The following MAEA variants were observed in gnomAD, a reference collection of about 807,000 sequenced individuals.
MAEA encodes E3 ubiquitin-protein transferase MAEA.
Under a neutral mutation model 46.2 loss-of-function variants are expected in MAEA, and 22 were observed. The ratio of observed to expected loss-of-function variants is 0.48; its 90% CI spans 0.34 to 0.68. MAEA has a LOEUF of 0.68. Ranked by LOEUF, MAEA falls within the 30% of genes least tolerant of loss-of-function variation. MAEA has a pLI of 0.01. For missense variants in MAEA, 393 were observed against 558.1 expected (o/e 0.70, Z 2.98); for synonymous variants, 246 against 222.6 (o/e 1.11, Z -0.94).
At chr4:1,292,883 C>T (rs938584720) in intron 1 of MAEA, among the ~76,000 whole-genome samples, 21 of 115,728 alleles carry the variant, frequency 1.8e-4, no homozygotes, top group Non-Finnish European at 2.8e-4. Flanking sequence ...AATAACTCAC[C>T]ATCTTTTTTT....
chr4:1,338,790 C>T, intron 8 of MAEA, 173 bp downstream of exon 8: 1 of 751,958 alleles, frequency 1.3e-6, no homozygotes, highest in South Asian at 1.8e-5. Flanking sequence ...CGGGACAGGG[C>T]TGTGTGGGGC....
At chr4:1,329,125 C>G (rs775968482) in intron 5 of MAEA, 1 of 985,526 alleles carries the variant, frequency 1.0e-6, no homozygotes, top group African/African-American at 1.7e-5. Flanking sequence ...CAAAACGTGT[C>G]CATCCCGGAG....
chr4:1,300,611 T>TG (rs1396169876), intron 1 of MAEA, among the ~76,000 whole-genome samples: 1 of 152,260 alleles, frequency 6.6e-6, no homozygotes, highest in Non-Finnish European at 1.5e-5. Flanking sequence ...AGGCTGGGGC[T>TG]GCGTGGCGTG....
chr4:1,322,573 C>CA, intron 4 of MAEA, 70 bp downstream of exon 4: 1 of 1,583,844 alleles, frequency 6.3e-7, no homozygotes, highest in South Asian at 1.1e-5. Flanking sequence ...CTGGAGCCAG[C>CA]ACCCCCTTGC....
intron 1 of MAEA, among the ~76,000 whole-genome samples, chr4:1,304,918 G>A (rs1295675319): frequency 6.6e-6 from 1 of 152,092 alleles, no homozygotes; most frequent in Non-Finnish European, 1.5e-5. Context: ...TGTGTCTCAC[G>A]CTATACTCTA....
At chr4:1,309,627 C>A in intron 1 of MAEA, 1 of 1,527,368 alleles carries the variant, frequency 6.5e-7, no homozygotes, top group Non-Finnish European at 8.8e-7. Flanking sequence ...GCGTGGGAGG[C>A]CTGAGGAGTA....
In MAEA at chr4:1,336,886, G is replaced by A. The variant is rs781007105; in HGVS notation, c.791G>A (p.Arg264Gln). The change falls in exon 7 of 9, where the codon CGG becomes CAG. Residue 264 changes from arginine to glutamine, a missense_variant. Arg to Gln is a conservative substitution (Grantham distance 43). Around this residue, in one of 2 missense-constraint regions of MAEA, gnomAD observed 358 missense variants for 537.9 expected, o/e 0.67. Coordinates refer to ENST00000303400, the MANE Select transcript of MAEA (RefSeq NM_001017405.3). ...GACCTTCTGGACCCTGCACGGTGGC[G>A]GATGCTGATCCAGCAGTTCCGGTAC... The part of the protein sequence containing the change: ...YKDLLDPARW[R>Q]MLIQQFRYDN... The A allele has an allele frequency of 5.0e-6, 8 of 1,613,962 alleles. No individual in the cohort carries two copies. Among genetic ancestry groups the A allele is most frequent in the East Asian group, 2.2e-5 (1 of 44,886 alleles).
In MAEA at chr4:1,339,398, T is replaced by G; in HGVS notation, c.*229T>G. 1 of 550,178 alleles carries G rather than the reference T, an allele frequency of 1.8e-6. No homozygotes were observed. The highest frequency in any genetic ancestry group is 2.4e-5 in the South Asian group (1 of 41,644). The allele number at this position is 550,178 out of a possible 1,614,324, so 34.1% of individuals were successfully genotyped here. ...TTGTAACACGTCAACCATTTGATGC[T>G]TCTGAAAAGTACTTTCAACTTGCGA... On this transcript the variant is annotated 3_prime_UTR_variant, in exon 9 of 9. Coordinates refer to ENST00000303400, the MANE Select transcript of MAEA (RefSeq NM_001017405.3).
At chr4:1,332,924 C>G (rs1033492688) in intron 6 of MAEA, 59 bp downstream of exon 6, 3 of 1,359,538 alleles carry the variant, frequency 2.2e-6, no homozygotes, top group Non-Finnish European at 3.1e-6. Flanking sequence ...GGGTGTGTCT[C>G]TGGTCTGTAG....
At chr4:1,301,386 G>A (rs996226785) in intron 1 of MAEA, among the ~76,000 whole-genome samples, 2 of 152,210 alleles carry the variant, frequency 1.3e-5, no homozygotes, top group Admixed American at 6.5e-5. Flanking sequence ...AGGGGAAGAT[G>A]TACTGGAGGA....
chr4:1,328,692 A>G (rs1162462155), intron 5 of MAEA: 2 of 1,279,490 alleles, frequency 1.6e-6, no homozygotes, highest in Non-Finnish European at 2.0e-6. Flanking sequence ...GCGTCTCACG[A>G]TGAGGTGCTG....
chr4:1,314,156 C>T (rs1489361137), intron 2 of MAEA, among the ~76,000 whole-genome samples: 3 of 151,950 alleles, frequency 2.0e-5, no homozygotes, highest in African/African-American at 7.3e-5. Flanking sequence ...GGCGAAACCC[C>T]GTCTCTATTA....
At chr4:1,329,911 G>A (rs1441124108) in intron 5 of MAEA, 2 of 985,468 alleles carry the variant, frequency 2.0e-6, no homozygotes, top group Non-Finnish European at 2.4e-6. Context: ...GTCCACCTCT[G>A]AACTCACGGT....
In MAEA at chr4:1,295,707, AC is replaced by A. The variant is rs369222591; in HGVS notation, c.69+5731del. 1.2e-3 allele frequency among the ~76,000 whole-genome samples: 32 copies of A among 25,834 alleles called. 1 individual carries two copies. The highest frequency in any genetic ancestry group is 9.9e-3 in the East Asian group (4 of 404). The allele number at this position is 25,834 out of a possible 152,430, so 16.9% of individuals were successfully genotyped here. A position where few individuals can be genotyped will look rare whatever the true frequency, so the allele number is the denominator to read the frequency against. On this transcript the variant is annotated intron_variant, in intron 1 of 8. Transcript: ENST00000303400. ...CCTATACCCCCTCACCCACACCTGT[AC>A]CCCCCTCACCCGCTCCTGTACCCCC...
At chr4:1,322,270 C>G in intron 3 of MAEA, 111 bp from the exon 4 acceptor site, 1 of 1,462,066 alleles carries the variant, frequency 6.8e-7, no homozygotes, top group South Asian at 1.3e-5. Flanking sequence ...GGAGATGCAT[C>G]TCGAGTGGTG....
chr4:1,329,158 A>C (rs1402992520), intron 5 of MAEA: 1 of 985,492 alleles, frequency 1.0e-6, no homozygotes, highest in Non-Finnish European at 1.2e-6. Context: ...AGATGTCTTC[A>C]TCTAGGTGGC....
At chr4:1,309,930 A>G in intron 1 of MAEA, 1 of 1,284,074 alleles carries the variant, frequency 7.8e-7, no homozygotes, top group Non-Finnish European at 9.9e-7. Context: ...CCCGCGTAGA[A>G]CTTGAATGCA....
chr4:1,310,993 G>C (rs1404454293), intron 1 of MAEA, among the ~76,000 whole-genome samples: 1 of 152,254 alleles, frequency 6.6e-6, no homozygotes. Context: ...TGGCCTCACG[G>C]CTAAGCACAG....
chr4:1,295,621 G>C (rs1734556200), intron 1 of MAEA, among the ~76,000 whole-genome samples: 1 of 136,050 alleles, frequency 7.4e-6, no homozygotes. Flanking sequence ...ACCCGTGGTG[G>C]ATGAGCCCCA....
Sources: allele counts gnomAD v4.1 joint callset (sites outside exome capture counted in the v4.1 genomes callset), GRCh38; gene constraint gnomAD v4.1.1; regional missense constraint gnomAD v4.1.1; transcripts MANE v1.5; gene names NCBI Gene and HGNC (gene_info 2026-07-23, HGNC 2026-07-21).